PAPSS1: variants seen among roughly 807,000 people sequenced by gnomAD.
PAPSS1 encodes the protein bifunctional 3'-phosphoadenosine 5'-phosphosulfate synthase 1.
PAPSS1 carries 50 observed loss-of-function variants against 72.0 expected under a neutral mutation model. The ratio of observed to expected loss-of-function variants is 0.69; its 90% CI spans 0.55 to 0.88. The LOEUF is 0.88. Ranked by LOEUF, PAPSS1 falls within the 40% of genes least tolerant of loss-of-function variation. The pLI is 0.00. For synonymous variants in PAPSS1, 261 were observed against 263.6 expected (o/e 0.99, Z 0.09); for missense variants, 657 against 782.2 (o/e 0.84, Z 1.91).
intron 1 of PAPSS1, among the ~76,000 whole-genome samples, chr4:107,708,122 AATT>A (rs1469767557): frequency 6.6e-6 from 1 of 152,214 alleles, no homozygotes; most frequent in African/African-American, 2.4e-5. Context: ...TTTACACAAT[AATT>A]ATTAATACTT....
intron 11 of PAPSS1, among the ~76,000 whole-genome samples, chr4:107,617,813 C>A (rs1725859787): frequency 6.6e-6 from 1 of 152,164 alleles, no homozygotes; most frequent in Non-Finnish European, 1.5e-5. Flanking sequence ...GTATCTCCCA[C>A]CTCTATCATA....
chr4:107,656,886 A>G lies in PAPSS1; in HGVS notation c.895+10T>C. On this transcript the variant is annotated intron_variant, in intron 7 of 11. Transcript: ENST00000265174. The stretch of plus-strand genomic sequence containing the variant: ...ACATACAATATAATTTTGAATGTAA[A>G]ATGTCTTACCATCCAGAAGACAATC... 17 of 1,521,390 alleles carry G rather than the reference A, an allele frequency of 1.1e-5. No individual in the cohort carries two copies. Among genetic ancestry groups the G allele is most frequent in the Non-Finnish European group, 1.6e-5 (17 of 1,095,936 alleles). 94.2% of individuals were successfully genotyped at this position (1,521,390 alleles called of 1,614,324 possible). A position where few individuals can be genotyped will look rare whatever the true frequency, so the allele number is the denominator to read the frequency against.
intron 5 of PAPSS1, among the ~76,000 whole-genome samples, chr4:107,668,714 T>G (rs546376532): frequency 6.6e-6 from 1 of 152,244 alleles, no homozygotes; most frequent in African/African-American, 2.4e-5. Context: ...TCCTGGATCC[T>G]CAGCCTGCAG....
At chr4:107,657,436 G>A (rs185302729) in intron 6 of PAPSS1, among the ~76,000 whole-genome samples, 45 of 152,228 alleles carry the variant, frequency 3.0e-4, no homozygotes, top group South Asian at 1.2e-3. Flanking sequence ...GAAACTTTAC[G>A]GCCAGAGGAG....
intron 2 of PAPSS1, among the ~76,000 whole-genome samples, chr4:107,698,946 G>C (rs1723140509): frequency 6.6e-6 from 1 of 151,996 alleles, no homozygotes. Flanking sequence ...CCTGGGGGAA[G>C]GGAAATACCA....
chr4:107,693,688 T>C (rs1722998616), intron 3 of PAPSS1, 83 bp downstream of exon 3: 1 of 923,218 alleles, frequency 1.1e-6, no homozygotes, highest in Non-Finnish European at 1.7e-6. Context: ...AAAGCACATA[T>C]CAATGTTTAA....
At chr4:107,618,150 A>C (rs1316986901) in intron 11 of PAPSS1, among the ~76,000 whole-genome samples, 2 of 152,200 alleles carry the variant, frequency 1.3e-5, no homozygotes, top group African/African-American at 4.8e-5. Context: ...ATTTGTCAAA[A>C]AGGTAGAAAG....
chr4:107,637,667 A>C (rs879079735), intron 10 of PAPSS1, among the ~76,000 whole-genome samples: 3 of 152,360 alleles, frequency 2.0e-5, no homozygotes, highest in Admixed American at 2.0e-4. Context: ...AGTGTAATAA[A>C]TTTTATTAAA....
intron 9 of PAPSS1, among the ~76,000 whole-genome samples, chr4:107,653,102 T>C (rs1429027964): frequency 2.8e-5 from 4 of 144,654 alleles, no homozygotes; most frequent in Non-Finnish European, 6.1e-5. Context: ...TGAATACATA[T>C]GAATATATAT....
At chr4:107,618,405 G>A (rs1462265469) in intron 11 of PAPSS1, among the ~76,000 whole-genome samples, 3 of 151,350 alleles carry the variant, frequency 2.0e-5, no homozygotes, top group Non-Finnish European at 2.9e-5. Context: ...ACGAGAGAAG[G>A]CTTACCAAGT....
intron 1 of PAPSS1, among the ~76,000 whole-genome samples, chr4:107,719,187 G>GTTTTTTTTTTTTT (rs9307313): frequency 2.0e-5 from 3 of 146,414 alleles, no homozygotes; most frequent in Non-Finnish European, 3.0e-5. Context: ...GAAATTGCTT[G>GTTTTTTTTTTTTT]TTTTTTTTTT....
chr4:107,688,306 T>C (rs1722839162), intron 3 of PAPSS1, among the ~76,000 whole-genome samples: 2 of 152,136 alleles, frequency 1.3e-5, no homozygotes, highest in Non-Finnish European at 2.9e-5. Flanking sequence ...CTAAGGGCAG[T>C]GGTGTAGCAC....
intron 11 of PAPSS1, among the ~76,000 whole-genome samples, chr4:107,631,270 C>T (rs964007158): frequency 6.6e-6 from 1 of 152,164 alleles, no homozygotes; most frequent in Non-Finnish European, 1.5e-5. Context: ...ATAGTGATTG[C>T]ACAAATATTA....
intron 3 of PAPSS1, among the ~76,000 whole-genome samples, chr4:107,691,993 A>G (rs34202676): frequency 0.55 from 83,431 of 151,928 alleles, 23,401 homozygotes; most frequent in South Asian, 0.65. Flanking sequence ...TGCCATATGC[A>G]GAAGATTGAA....
chr4:107,699,053 C>A (rs1361619162), intron 2 of PAPSS1, among the ~76,000 whole-genome samples: 9 of 152,006 alleles, frequency 5.9e-5, no homozygotes. Context: ...GACCACAGAG[C>A]AAGTACCAAA....
rs577442994 is a variant in PAPSS1, at chr4:107,643,145, G to C, written c.1506+1657C>G. Among the ~76,000 whole-genome samples, 4 of 152,268 alleles carry C rather than the reference G, an allele frequency of 2.6e-5. No homozygotes were observed. In the South Asian group the frequency reaches 8.3e-4, roughly 32 times the overall value. Reference sequence around the variant, plus strand: ...GTGAGTTTCACAAGCACAATGTAAAGTGAAAGAAGCCAGACACGAAAGAGT... The same window carrying C: ...GTGAGTTTCACAAGCACAATGTAAACTGAAAGAAGCCAGACACGAAAGAGT... On this transcript the variant is annotated intron_variant, in intron 10 of 11. Transcript: ENST00000265174.
chr4:107,678,151 C>T lies in PAPSS1; in HGVS notation c.669+3864G>A, dbSNP rs547946829. The stretch of plus-strand genomic sequence containing the variant: ...TGTATACATATGTAACTAACCAGCA[C>T]GTTGTGCACATGTACCCTAAAACTT... On this transcript the variant is annotated intron_variant, in intron 5 of 11. Transcript: ENST00000265174. Among the ~76,000 whole-genome samples, 5 of 151,204 alleles carry T rather than the reference C, an allele frequency of 3.3e-5. No homozygotes were observed. The South Asian group carries it at 6.3e-4, about 19-fold the overall frequency.
intron 5 of PAPSS1, among the ~76,000 whole-genome samples, chr4:107,677,857 T>C (rs1459052657): frequency 6.6e-6 from 1 of 152,194 alleles, no homozygotes; most frequent in East Asian, 1.9e-4. Context: ...TATGCAGTCA[T>C]AAAAGATGAT....
At chr4:107,719,774 C>CA (rs202035886) in intron 1 of PAPSS1, 28,300 of 1,138,930 alleles carry the variant, frequency 0.025, 437 homozygotes, top group South Asian at 0.05. Context: ...TCTGCAGCCG[C>CA]AGGTTTCAGC....
Sources: gnomAD v4.1 joint callset for allele counts (sites outside exome capture counted in the v4.1 genomes callset) on GRCh38, gnomAD v4.1.1 for gene constraint, MANE v1.5 for transcripts, NCBI Gene and HGNC (gene_info 2026-07-23, HGNC 2026-07-21) for gene names.